Variants in PLPP1 observed in about 807,000 individuals in gnomAD.
PLPP1 encodes the protein phospholipid phosphatase 1.
A neutral mutation model predicts 31.2 loss-of-function variants in PLPP1; 24 were observed. The observed-to-expected ratio is 0.77, with a 90% confidence interval of 0.56 to 1.08. PLPP1 has a LOEUF of 1.08. PLPP1 is among the 50% of genes least tolerant of loss of function. The pLI, the probability that PLPP1 is intolerant of heterozygous loss-of-function variation, is 0.00. For synonymous variants in PLPP1, 146 were observed against 126.3 expected, an observed-to-expected ratio of 1.16 and a Z score of -1.05; for missense variants, 319 against 342.7, an observed-to-expected ratio of 0.93 and a Z score of 0.55.
chr5:55,457,457 T>C (rs1243943496), intron 3 of PLPP1, among the ~76,000 whole-genome samples: 4 of 152,200 alleles, frequency 2.6e-5, no homozygotes, highest in Non-Finnish European at 4.4e-5. Context: ...TAATTATTTT[T>C]ATACCATTTT....
intron 1 of PLPP1, among the ~76,000 whole-genome samples, chr5:55,514,740 A>G (rs1294313437): frequency 2.6e-5 from 4 of 152,264 alleles, no homozygotes; most frequent in African/African-American, 9.6e-5. Context: ...ATACTTATTT[A>G]TTGGTTATTA....
chr5:55,478,234 T>C (rs1039264047), intron 1 of PLPP1, among the ~76,000 whole-genome samples: 4 of 152,146 alleles, frequency 2.6e-5, no homozygotes, highest in African/African-American at 9.7e-5. Context: ...TTTTTCAGGA[T>C]AGTAGGGGAA....
intron 4 of PLPP1, among the ~76,000 whole-genome samples, chr5:55,436,870 C>T (rs960617127): frequency 6.6e-6 from 1 of 152,152 alleles, no homozygotes; most frequent in Non-Finnish European, 1.5e-5. Flanking sequence ...ATACTGAATG[C>T]CTAACCCCCA....
chr5:55,436,133 G>T (rs1276507110), intron 4 of PLPP1, among the ~76,000 whole-genome samples: 1 of 152,130 alleles, frequency 6.6e-6, no homozygotes, highest in Non-Finnish European at 1.5e-5. Flanking sequence ...AAATAACCAG[G>T]TGTTCAAGCC....
At chr5:55,442,509 G>A (rs375653209) in intron 3 of PLPP1, among the ~76,000 whole-genome samples, 4 of 151,962 alleles carry the variant, frequency 2.6e-5, no homozygotes, top group South Asian at 2.1e-4. Context: ...AAAATTAGCC[G>A]GGCGTGGTGG....
chr5:55,456,519 CA>C (rs954110254), intron 3 of PLPP1, among the ~76,000 whole-genome samples: 1 of 152,108 alleles, frequency 6.6e-6, no homozygotes, highest in African/African-American at 2.4e-5. Flanking sequence ...TGTAGAGATA[CA>C]TAAGTTAAAA....
Position 55,475,481 on chromosome 5 carries a change from TAA to T in PLPP1, c.59-33_59-32del, listed in dbSNP as rs1283827787. 3.2e-6 allele frequency: 5 copies of T among 1,552,868 alleles called. No individual in the cohort carries two copies. In the African/African-American group the frequency reaches 6.9e-5, roughly 21 times the overall value. ...AAAAGGGAATAAATGAAAATATCATTAAAAAAGAAATATCAAAACTAATTAAT... is the reference window on the plus strand; with the variant it reads ...AAAAGGGAATAAATGAAAATATCATTAAAAGAAATATCAAAACTAATTAAT... On this transcript the variant is annotated intron_variant, in intron 1 of 5. Transcript: ENST00000307259.
At position 55,474,557 on chromosome 5, in the gene PLPP1, A is replaced by G. The variant is rs575147517; in HGVS notation, c.210+742T>C. Reference sequence around the variant, plus strand: ...TAGTTTAAGACTCACTCTTGCATTCAGTACCAGTAAAAATTCTTTCATATT... The same window carrying G: ...TAGTTTAAGACTCACTCTTGCATTCGGTACCAGTAAAAATTCTTTCATATT... On this transcript the variant is annotated intron_variant, in intron 2 of 5. Coordinates refer to ENST00000307259, the MANE Select transcript of PLPP1 (RefSeq NM_003711.4). Among the ~76,000 whole-genome samples the G allele has an allele frequency of 1.1e-4, 17 of 152,354 alleles. 1 individual carries two copies. In the South Asian group the frequency reaches 3.5e-3, roughly 32 times the overall value.
At chr5:55,532,653 T>G (rs1009230281) in intron 1 of PLPP1, among the ~76,000 whole-genome samples, 3 of 152,190 alleles carry the variant, frequency 2.0e-5, no homozygotes. Context: ...CTGAAAGGAC[T>G]GTGTTTTTAT....
rs1440022367 is a variant in PLPP1, at chr5:55,475,791, C to T, written c.59-341G>A. On this transcript the variant is annotated intron_variant, in intron 1 of 5. Transcript: ENST00000307259. ...TGTCATTTAATCACCAGGTTTTTAA[C>T]GCTACTTCCAAACCAATTTTTCATG... 5.3e-5 allele frequency among the ~76,000 whole-genome samples: 8 copies of T among 152,162 alleles called. No individual in the cohort carries two copies. The South Asian group carries it at 1.2e-3, about 24-fold the overall frequency.
chr5:55,450,904 A>C (rs1751877124), intron 3 of PLPP1, among the ~76,000 whole-genome samples: 1 of 152,214 alleles, frequency 6.6e-6, no homozygotes, highest in African/African-American at 2.4e-5. Context: ...AGAATAATAC[A>C]GAAGGAAGAG....
intron 1 of PLPP1, among the ~76,000 whole-genome samples, chr5:55,519,834 GACAGTTACCTAAAATTAGGACA>G (rs1166033680): frequency 6.6e-6 from 1 of 151,710 alleles, no homozygotes; most frequent in African/African-American, 2.4e-5. Flanking sequence ...CCTTTCTGAA[GACAGTTACCTAAAATTAGGACA>G]ACCTCAGAAT....
chr5:55,514,842 G>C (rs1330716184), intron 1 of PLPP1, among the ~76,000 whole-genome samples: 2 of 152,172 alleles, frequency 1.3e-5, no homozygotes, highest in Admixed American at 1.3e-4. Flanking sequence ...AAGAAGGAAG[G>C]ATTCCCACAA....
chr5:55,484,051 C>G (rs6866063), intron 1 of PLPP1, among the ~76,000 whole-genome samples: 128,327 of 152,092 alleles, frequency 0.84, 54,537 homozygotes, highest in South Asian at 0.92. Flanking sequence ...TGTGAACCCT[C>G]TTCTCAACTA....
chr5:55,531,605 A>G (rs149316757), intron 1 of PLPP1, among the ~76,000 whole-genome samples: 1 of 152,336 alleles, frequency 6.6e-6, no homozygotes, highest in East Asian at 1.9e-4. Context: ...TTACCTGTGG[A>G]TTCCTCACAG....
intron 1 of PLPP1, among the ~76,000 whole-genome samples, chr5:55,522,037 A>C (rs533284178): frequency 2.0e-5 from 3 of 152,148 alleles, no homozygotes; most frequent in African/African-American, 7.2e-5. Context: ...CATCTGCTAC[A>C]CGTTTCCTAT....
At position 55,426,018 on chromosome 5, in the gene PLPP1, T is replaced by C; in HGVS notation, c.571A>G (p.Lys191Glu). The change falls in exon 5 of 6, where the codon AAG (lysine) becomes GAG (glutamate). Residue 191 changes from lysine (K) to glutamate (E), a missense_variant. Transcript: ENST00000307259. Reference protein sequence around the residue: ...FVALYLQARMKGDWARLLRPT... With the variant: ...FVALYLQARMEGDWARLLRPT... ...CGTAAGAGTCTTGCCCAGTCTCCCT[T>C]CATCCTGGCTTGAAGATAAAGCTAA... The C allele has an allele frequency of 6.3e-7, 1 of 1,598,130 alleles. No homozygotes were observed. Among genetic ancestry groups the C allele is most frequent in the South Asian group, 1.1e-5 (1 of 87,146 alleles).
chr5:55,426,282 G>A (rs1484208729), intron 4 of PLPP1, among the ~76,000 whole-genome samples: 3 of 152,126 alleles, frequency 2.0e-5, no homozygotes, highest in Non-Finnish European at 4.4e-5. Flanking sequence ...CCTTCAAACT[G>A]TATACAAACA....
intron 3 of PLPP1, among the ~76,000 whole-genome samples, chr5:55,450,859 CAAG>C (rs1318578289): frequency 1.3e-5 from 2 of 152,056 alleles, no homozygotes; most frequent in Admixed American, 6.5e-5. Flanking sequence ...AAACACTGAA[CAAG>C]AAGACTCCCT....
Sources: allele counts gnomAD v4.1 joint callset (sites outside exome capture counted in the v4.1 genomes callset), GRCh38; gene constraint gnomAD v4.1.1; transcripts MANE v1.5; gene names NCBI Gene and HGNC (gene_info 2026-07-23, HGNC 2026-07-21).